Variants in FAAH2 observed in about 807,000 individuals in gnomAD.
The protein encoded by FAAH2 is fatty-acid amide hydrolase 2.
In FAAH2, 60 loss-of-function variants were observed where a neutral mutation model predicts 36.9. The observed-to-expected ratio is 1.63, with a 90% CI of 1.32 to 2.02. FAAH2 has a LOEUF of 2.02. Among genes scored for constraint, FAAH2 ranks in the 30% most tolerant of loss-of-function variants. FAAH2 has a pLI of 0.00. For missense variants in FAAH2, 689 were observed against 397.5 expected (o/e 1.73, Z -6.23); for synonymous variants, 214 against 143.8 (o/e 1.49, Z -3.49).
At chrX:57,273,808 G>A in the FAAH2 span, among the ~76,000 whole-genome samples, 1 of 111,368 alleles carries the variant, frequency 9.0e-6, no homozygotes, top group Non-Finnish European at 1.9e-5. Flanking sequence ...AGAGAAAGCA[G>A]GAAAAATCTA....
the FAAH2 span, among the ~76,000 whole-genome samples, chrX:57,123,731 A>T: frequency 8.9e-6 from 1 of 111,889 alleles, no homozygotes; most frequent in Non-Finnish European, 1.9e-5. Flanking sequence ...TGTGGTTTTG[A>T]TTTGCATTTC....
the FAAH2 span, among the ~76,000 whole-genome samples, chrX:57,278,712 G>C: frequency 9.0e-6 from 1 of 111,169 alleles, no homozygotes; most frequent in African/African-American, 3.3e-5. Context: ...CTATCCACCT[G>C]ACAAAGGGCT....
At chrX:57,157,754 G>A in the FAAH2 span, among the ~76,000 whole-genome samples, 24 of 111,633 alleles carry the variant, frequency 2.1e-4, no homozygotes, top group East Asian at 6.7e-3. Flanking sequence ...TGTTCCGCAG[G>A]GGGTAGGAGG....
At chrX:57,215,305 T>C in the FAAH2 span, among the ~76,000 whole-genome samples, 3 of 110,879 alleles carry the variant, frequency 2.7e-5, no homozygotes, top group Non-Finnish European at 3.8e-5. Flanking sequence ...TATTAAAAAG[T>C]TGAGAAACAA....
At chrX:57,214,351 C>T in the FAAH2 span, among the ~76,000 whole-genome samples, 1 of 111,983 alleles carries the variant, frequency 8.9e-6, no homozygotes, top group Non-Finnish European at 1.9e-5. Context: ...TATCTGTTTG[C>T]TTTGTAGATT....
intron 2 of FAAH2, among the ~76,000 whole-genome samples, chrX:57,301,020 T>G (rs1306409295): frequency 7.2e-5 from 8 of 110,833 alleles, no homozygotes; most frequent in African/African-American, 2.3e-4. Context: ...GGTGGGACTG[T>G]AAACTAGTTC....
At chrX:57,194,729 C>T in the FAAH2 span, among the ~76,000 whole-genome samples, 1 of 110,663 alleles carries the variant, frequency 9.0e-6, no homozygotes, top group Non-Finnish European at 1.9e-5. Flanking sequence ...TCTTTTATCC[C>T]TCACCTACTC....
chrX:57,327,016 C>T (rs1474047038), intron 3 of FAAH2, among the ~76,000 whole-genome samples: 2 of 107,787 alleles, frequency 1.9e-5, no homozygotes, highest in Non-Finnish European at 3.8e-5. Context: ...CCTTCAGGAG[C>T]TCTTTCAGGG....
chrX:57,239,154 T>A, the FAAH2 span, among the ~76,000 whole-genome samples: 1 of 111,868 alleles, frequency 8.9e-6, no homozygotes, highest in Non-Finnish European at 1.9e-5. Context: ...ATAGTTTCAG[T>A]GGCAATGGTA....
chrX:57,284,880 A>G (rs1276110855), upstream of FAAH2, among the ~76,000 whole-genome samples: 1 of 112,216 alleles, frequency 8.9e-6, no homozygotes, highest in Non-Finnish European at 1.9e-5. Flanking sequence ...TTCAAGGTCA[A>G]AAACATAATG....
chrX:57,258,035 A>T, the FAAH2 span, among the ~76,000 whole-genome samples: 1 of 111,940 alleles, frequency 8.9e-6, no homozygotes, highest in East Asian at 2.8e-4. Context: ...CGAGTTGCTG[A>T]TTTCAAATTA....
the FAAH2 span, among the ~76,000 whole-genome samples, chrX:57,253,702 A>T: frequency 1.7e-4 from 19 of 111,722 alleles, no homozygotes; most frequent in African/African-American, 6.2e-4. Context: ...AAAATTCTTT[A>T]CAGAGAAACT....
intron 2 of FAAH2, among the ~76,000 whole-genome samples, chrX:57,308,151 A>G (rs949485819): frequency 8.9e-6 from 1 of 111,834 alleles, no homozygotes; most frequent in African/African-American, 3.2e-5. Flanking sequence ...TCTTTTGGGT[A>G]TATACCCAGT....
At chrX:57,322,420 C>A (rs988607719) in intron 3 of FAAH2, among the ~76,000 whole-genome samples, 3 of 111,530 alleles carry the variant, frequency 2.7e-5, no homozygotes, top group Non-Finnish European at 5.6e-5. Flanking sequence ...TTCTCTCTAG[C>A]CTTTAACTTT....
the FAAH2 span, among the ~76,000 whole-genome samples, chrX:57,194,465 T>A: frequency 9.0e-6 from 1 of 111,705 alleles, no homozygotes; most frequent in Non-Finnish European, 1.9e-5. Context: ...ACTTCATTGA[T>A]CTTTTGCATT....
rs1346237939 is a variant in FAAH2, at chrX:57,488,869, C to A, written c.1536C>A (p.Thr512=). 1.7e-6 allele frequency: 2 copies of A among 1,210,779 alleles called. No individual in the cohort carries two copies. Among genetic ancestry groups the A allele is most frequent in the Middle Eastern group, 2.3e-4 (1 of 4,351 alleles). The change falls in exon 11 of 11, where the codon ACC becomes ACA. Residue 512 remains threonine, a synonymous_variant. Coordinates refer to ENST00000374900, the MANE Select transcript of FAAH2 (RefSeq NM_174912.4). ...VVAGPFNDHL[T]LAVAQYLEKT... ...CTGGACCCTTTAATGATCATCTGAC[C>A]CTGGCTGTGGCCCAGTACTTGGAGA...
intron 7 of FAAH2, among the ~76,000 whole-genome samples, chrX:57,383,971 C>G (rs1222864515): frequency 9.0e-6 from 1 of 111,696 alleles, no homozygotes; most frequent in African/African-American, 3.3e-5. Flanking sequence ...GGTACCAAAA[C>G]AGAGATATAG....
At chrX:57,437,958 T>A (rs1304451362) in intron 8 of FAAH2, among the ~76,000 whole-genome samples, 4 of 103,738 alleles carry the variant, frequency 3.9e-5, no homozygotes, top group Non-Finnish European at 7.8e-5. Context: ...TATACACATA[T>A]ATACATACGT....
intron 10 of FAAH2, among the ~76,000 whole-genome samples, chrX:57,451,753 G>A (rs1427440376): frequency 9.0e-6 from 1 of 111,537 alleles, no homozygotes; most frequent in Non-Finnish European, 1.9e-5. Context: ...GAAAAGGTAA[G>A]CATGTCATGG....
Sources: gnomAD v4.1 joint callset for allele counts (sites outside exome capture counted in the v4.1 genomes callset) on GRCh38, gnomAD v4.1.1 for gene constraint, MANE v1.5 for transcripts, NCBI Gene and HGNC (gene_info 2026-07-23, HGNC 2026-07-21) for gene names.